Variants in MAP3K15 observed in about 807,000 individuals in gnomAD.
The protein encoded by MAP3K15 is mitogen-activated protein kinase kinase kinase 15.
Under a neutral mutation model 99.5 loss-of-function variants are expected in MAP3K15, and 124 were observed. The observed-to-expected ratio is 1.25, with a 90% CI of 1.08 to 1.45. MAP3K15 has a LOEUF of 1.45. MAP3K15 is among the 40% of genes most tolerant of loss of function. The probability of loss-of-function intolerance (pLI) is 0.00; values close to 1 mark genes in which losing one functional copy is unlikely to be tolerated. For synonymous variants in MAP3K15, 494 were observed against 439.6 expected (o/e 1.12, Z -1.55); for missense variants, 1,242 against 1,079.7 (o/e 1.15, Z -2.11).
intron 16 of MAP3K15, among the ~76,000 whole-genome samples, chrX:19,393,393 G>A (rs1185510828): frequency 8.9e-6 from 1 of 112,244 alleles, no homozygotes; most frequent in Non-Finnish European, 1.9e-5. Context: ...CACTTTGGGA[G>A]GCCGAGGCGG....
chrX:19,390,755 C>T (rs1192652902), intron 18 of MAP3K15, among the ~76,000 whole-genome samples: 8 of 105,317 alleles, frequency 7.6e-5, no homozygotes, highest in Non-Finnish European at 1.4e-4. Context: ...GCTGGTCTTG[C>T]ACTGCTGGCC....
intron 6 of MAP3K15, among the ~76,000 whole-genome samples, chrX:19,447,880 T>G (rs1271585822): frequency 1.2e-4 from 1 of 8,005 alleles, no homozygotes; most frequent in Non-Finnish European, 4.6e-4. Context: ...CGAGACTCCG[T>G]CTCAAAAAAA....
chrX:19,421,644 A>G (rs867999585), intron 9 of MAP3K15, among the ~76,000 whole-genome samples: 1 of 90,045 alleles, frequency 1.1e-5, no homozygotes, highest in African/African-American at 7.0e-5. Context: ...CCATCAAGCT[A>G]CCAATGACTT....
intron 9 of MAP3K15, among the ~76,000 whole-genome samples, chrX:19,424,311 T>TATATATACACAC (rs1275804459): frequency 1.1e-5 from 1 of 87,436 alleles, no homozygotes; most frequent in African/African-American, 6.6e-5. Context: ...TATACACACA[T>TATATATACACAC]ATATATACAT....
chrX:19,441,615 T>C (rs980503638), intron 6 of MAP3K15, among the ~76,000 whole-genome samples: 1 of 110,366 alleles, frequency 9.1e-6, no homozygotes, highest in African/African-American at 3.4e-5. Flanking sequence ...CCATAATGCC[T>C]GGTTAATTTT....
intron 6 of MAP3K15, among the ~76,000 whole-genome samples, chrX:19,440,444 G>A (rs945218635): frequency 8.9e-6 from 1 of 112,671 alleles, no homozygotes; most frequent in Non-Finnish European, 1.9e-5. Flanking sequence ...CTGTGTCTTA[G>A]TGTGAACAAT....
At chrX:19,455,504 G>A (rs1488912715) in intron 6 of MAP3K15, among the ~76,000 whole-genome samples, 2 of 96,603 alleles carry the variant, frequency 2.1e-5, no homozygotes, top group African/African-American at 8.1e-5. Flanking sequence ...AAGCCATCAT[G>A]CCTGGCTAAT....
chrX:19,495,444 A>G (rs1297377893), intron 1 of MAP3K15, among the ~76,000 whole-genome samples: 1 of 111,783 alleles, frequency 8.9e-6, no homozygotes, highest in Non-Finnish European at 1.9e-5. Flanking sequence ...ATCGAGTTTT[A>G]ACTAGGAGGA....
intron 18 of MAP3K15, among the ~76,000 whole-genome samples, chrX:19,386,017 C>G: frequency 8.9e-6 from 1 of 112,080 alleles, no homozygotes; most frequent in East Asian, 2.8e-4. Flanking sequence ...TTCAGATACT[C>G]AAGGGAACAC....
intron 25 of MAP3K15, among the ~76,000 whole-genome samples, chrX:19,363,114 A>G (rs897631044): frequency 1.8e-5 from 2 of 111,846 alleles, no homozygotes; most frequent in African/African-American, 6.5e-5. Context: ...TATTTTTGCA[A>G]TGGACTCAAT....
chrX:19,397,569 C>G (rs1282710010), intron 15 of MAP3K15, among the ~76,000 whole-genome samples: 1 of 110,031 alleles, frequency 9.1e-6, no homozygotes, highest in African/African-American at 3.3e-5. Context: ...GAGCCGAGAT[C>G]TGCCACTGCA....
At chrX:19,407,404 A>C in intron 12 of MAP3K15, 121 bp from the exon 13 acceptor site, 1 of 395,342 alleles carries the variant, frequency 2.5e-6, no homozygotes. Context: ...TTAAACAAAC[A>C]CCCCCCGAGT....
At chrX:19,514,117 C>G (rs931279646) in intron 1 of MAP3K15, among the ~76,000 whole-genome samples, 1 of 110,869 alleles carries the variant, frequency 9.0e-6, no homozygotes, top group Non-Finnish European at 1.9e-5. Context: ...AGAGGCAACA[C>G]ACACACACGT....
At chrX:19,498,266 A>C (rs2064419686) in intron 1 of MAP3K15, among the ~76,000 whole-genome samples, 1 of 109,928 alleles carries the variant, frequency 9.1e-6, no homozygotes, top group Non-Finnish European at 1.9e-5. Flanking sequence ...TTCATTCTAC[A>C]CTGGGGTTCT....
At chrX:19,427,560 C>T (rs2063842282) in intron 7 of MAP3K15, among the ~76,000 whole-genome samples, 1 of 111,178 alleles carries the variant, frequency 9.0e-6, no homozygotes, top group African/African-American at 3.3e-5. Flanking sequence ...ATTGGGAATC[C>T]TATTTTTACA....
At chrX:19,368,618 G>T (rs2063351938) in intron 25 of MAP3K15, among the ~76,000 whole-genome samples, 1 of 111,770 alleles carries the variant, frequency 8.9e-6, no homozygotes, top group Admixed American at 9.5e-5. Flanking sequence ...ACTTCCTCGG[G>T]GTCGGGATTA....
At chrX:19,492,546 C>G (rs1450005322) in intron 1 of MAP3K15, among the ~76,000 whole-genome samples, 1 of 111,739 alleles carries the variant, frequency 8.9e-6, no homozygotes, top group East Asian at 2.8e-4. Flanking sequence ...CAATTTCTCT[C>G]AAATGGGTAA....
chrX:19,484,832 G>A (rs770764480), intron 3 of MAP3K15, among the ~76,000 whole-genome samples: 5 of 111,864 alleles, frequency 4.5e-5, no homozygotes, highest in African/African-American at 6.5e-5. Context: ...AGGTATCAAT[G>A]AGCAAAACAG....
At chrX:19,401,563 G>A (rs1421121762) in intron 13 of MAP3K15, among the ~76,000 whole-genome samples, 1 of 111,410 alleles carries the variant, frequency 9.0e-6, no homozygotes, top group Non-Finnish European at 1.9e-5. Context: ...TAAGGATAGG[G>A]GGACTATTGC....
Sources: allele counts gnomAD v4.1 joint callset (sites outside exome capture counted in the v4.1 genomes callset), GRCh38; gene constraint gnomAD v4.1.1; transcripts MANE v1.5; gene names NCBI Gene and HGNC (gene_info 2026-07-23, HGNC 2026-07-21).